Variants in PLEKHA5 observed in about 807,000 individuals in gnomAD.
The protein encoded by PLEKHA5 is pleckstrin homology domain containing A5, also known as pleckstrin homology domain-containing family A member 5.
Under a neutral mutation model 181.9 loss-of-function variants are expected in PLEKHA5, and 55 were observed. The observed-to-expected ratio is 0.30, with a 90% CI of 0.24 to 0.38. The LOEUF is 0.38. PLEKHA5 is among the 10% of genes least tolerant of loss of function. The pLI is 1.00. For synonymous variants in PLEKHA5, 535 were observed against 529.4 expected (o/e 1.01, Z -0.15); for missense variants, 1,432 against 1,549.5 (o/e 0.92, Z 1.27).
Position 19,361,646 on chromosome 12 carries a change from C to T in PLEKHA5, c.3548C>T (p.Ser1183Phe). 6.3e-7 allele frequency: 1 copy of T among 1,582,568 alleles called. No homozygotes were observed. The highest frequency in any genetic ancestry group is 1.3e-5 in the African/African-American group (1 of 74,224). Reference sequence around the variant, plus strand: ...GAACCTGAGCCAAATGGAGTAAATTCTGTGGAAATGATGGATAAAGAAAGA... The same window carrying T: ...GAACCTGAGCCAAATGGAGTAAATTTTGTGGAAATGATGGATAAAGAAAGA... The part of the protein sequence containing the change: ...LFEPEPNGVN[S>F]VEMMDKERNK... The change falls in exon 29 of 32, where the codon TCT becomes TTT. Residue 1183 changes from serine (S) to phenylalanine (F), a missense_variant. Coordinates refer to ENST00000429027, the MANE Select transcript of PLEKHA5 (RefSeq NM_001256470.2).
At chr12:19,147,973 G>A (rs1460972321) in intron 3 of PLEKHA5, among the ~76,000 whole-genome samples, 7 of 151,874 alleles carry the variant, frequency 4.6e-5, no homozygotes, top group Admixed American at 2.0e-4. Context: ...CTGGGCCCAC[G>A]CCATTCTCTT....
chr12:19,132,368 A>T, intron 2 of PLEKHA5, 25 bp from the exon 3 acceptor site: 3 of 1,159,626 alleles, frequency 2.6e-6, no homozygotes, highest in Non-Finnish European at 3.8e-6. Flanking sequence ...AAGTAATACT[A>T]ATTGTAATAT....
chr12:19,270,242 A>C, intron 10 of PLEKHA5, 37 bp downstream of exon 10: 1 of 1,198,154 alleles, frequency 8.3e-7, no homozygotes, highest in Non-Finnish European at 1.1e-6. Flanking sequence ...AAAGCTACAC[A>C]GATTTTTATC....
Position 19,345,874 on chromosome 12 carries a change from A to G in PLEKHA5, c.2695A>G (p.Lys899Glu), listed in dbSNP as rs756910032. Reference sequence around the variant, plus strand: ...AGGATCAAAGCCTTTCTCAACAGTTAAGTACAAAAATGAGGTAAGTTTGGA... The same window carrying G: ...AGGATCAAAGCCTTTCTCAACAGTTGAGTACAAAAATGAGGTAAGTTTGGA... ...MIGSKPFSTV[K>E]YKNEEEEVVP... Residue 899 changes from lysine (K) to glutamate (E), a missense_variant, in exon 23 of 32, where the codon AAG (lysine) becomes GAG (glutamate). This residue lies in a region of PLEKHA5 where 1,143 missense variants were observed against 1,168.4 expected (regional missense o/e 0.98). Transcript: ENST00000429027. 2.7e-6 allele frequency: 4 copies of G among 1,482,582 alleles called. No homozygotes were observed. The East Asian group carries it at 6.8e-5, about 25-fold the overall frequency. 91.8% of individuals were successfully genotyped at this position (1,482,582 alleles called of 1,614,324 possible). A position where few individuals can be genotyped will look rare whatever the true frequency, so the allele number is the denominator to read the frequency against.
chr12:19,332,908 G>A (rs1051857532), intron 20 of PLEKHA5, among the ~76,000 whole-genome samples: 2 of 152,076 alleles, frequency 1.3e-5, no homozygotes, highest in African/African-American at 2.4e-5. Flanking sequence ...CGTCCATCTC[G>A]GCCTCCTAAA....
At chr12:19,294,083 G>A (rs2079150165) in intron 15 of PLEKHA5, among the ~76,000 whole-genome samples, 1 of 152,140 alleles carries the variant, frequency 6.6e-6, no homozygotes, top group African/African-American at 2.4e-5. Context: ...TGGTACTTGT[G>A]TTTGAAGTAA....
At chr12:19,233,482 A>G (rs1307712917) in intron 3 of PLEKHA5, among the ~76,000 whole-genome samples, 1 of 152,138 alleles carries the variant, frequency 6.6e-6, no homozygotes, top group Non-Finnish European at 1.5e-5. Context: ...AACTACTTTA[A>G]ATATGTGTGA....
At chr12:19,333,833 A>C (rs1357512385) in intron 20 of PLEKHA5, among the ~76,000 whole-genome samples, 1 of 151,222 alleles carries the variant, frequency 6.6e-6, no homozygotes, top group Non-Finnish European at 1.5e-5. Flanking sequence ...CTGGTCTTAA[A>C]CTCCTGACCT....
chr12:19,329,203 A>T (rs1480871110), intron 20 of PLEKHA5, among the ~76,000 whole-genome samples: 2 of 152,058 alleles, frequency 1.3e-5, no homozygotes, highest in Non-Finnish European at 2.9e-5. Context: ...TATCATGGTG[A>T]ATTAACTTTT....
At position 19,274,690 on chromosome 12, in the gene PLEKHA5, A is replaced by G. The variant is rs2074032248; in HGVS notation, c.1020A>G (p.Gln340=). 1.2e-6 allele frequency: 2 copies of G among 1,614,044 alleles called. No individual in the cohort carries two copies. Among genetic ancestry groups the G allele is most frequent in the African/African-American group, 2.7e-5 (2 of 74,942 alleles). Reference sequence around the variant, plus strand: ...AATATGGATTTCAGAAGGATGGTCAAGATAGACCCTTAACAAAAATTAATA... The same window carrying G: ...AATATGGATTTCAGAAGGATGGTCAGGATAGACCCTTAACAAAAATTAATA... ...AEKYGFQKDG[Q]DRPLTKINSV... The change falls in exon 11 of 32, where the codon CAA becomes CAG. Residue 340 remains glutamine, a synonymous_variant. Coordinates refer to ENST00000429027, the MANE Select transcript of PLEKHA5 (RefSeq NM_001256470.2).
chr12:19,137,045 C>CT (rs879741090), intron 3 of PLEKHA5, among the ~76,000 whole-genome samples: 66 of 147,536 alleles, frequency 4.5e-4, no homozygotes, highest in East Asian at 1.6e-3. Context: ...TTATACTTTA[C>CT]TTTTTTTTTT....
intron 27 of PLEKHA5, 43 bp from the exon 28 acceptor site, chr12:19,359,369 A>G (rs2095110332): frequency 6.4e-7 from 1 of 1,568,298 alleles, no homozygotes; most frequent in Non-Finnish European, 8.7e-7. Context: ...ATATACATGC[A>G]TGCACAGTAT....
In PLEKHA5 at chr12:19,242,254, T is replaced by G. The variant is rs553354159; in HGVS notation, c.228-11686T>G. Among the ~76,000 whole-genome samples the G allele has an allele frequency of 1.1e-3, 165 of 151,998 alleles. 2 individuals are homozygous for G. The highest frequency in any genetic ancestry group is 3.4e-3 in the Middle Eastern group (1 of 294). On this transcript the variant is annotated intron_variant, in intron 3 of 31. Transcript: ENST00000429027. ...TTTTGTTTTTTTTTGTTTTTTTTGT[T>G]TTGAGACAGAGTCTCACTCTGTCAT...
At chr12:19,274,368 T>G in intron 10 of PLEKHA5, 148 bp from the exon 11 acceptor site, 2 of 607,906 alleles carry the variant, frequency 3.3e-6, no homozygotes, top group Non-Finnish European at 5.8e-6. Context: ...ATCACAGCAT[T>G]GGGTATTTGT....
At chr12:19,338,925 C>T (rs2093664262) in intron 21 of PLEKHA5, among the ~76,000 whole-genome samples, 1 of 151,742 alleles carries the variant, frequency 6.6e-6, no homozygotes, top group Non-Finnish European at 1.5e-5. Flanking sequence ...AAATGAGATG[C>T]TAAATACACT....
intron 3 of PLEKHA5, among the ~76,000 whole-genome samples, chr12:19,195,566 G>C (rs1449317535): frequency 1.3e-5 from 2 of 151,260 alleles, no homozygotes; most frequent in Admixed American, 6.6e-5. Context: ...GCTACTCTGA[G>C]GGCTGAGGTG....
chr12:19,257,617 A>G, intron 6 of PLEKHA5, 80 bp downstream of exon 6: 4 of 764,468 alleles, frequency 5.2e-6, no homozygotes, highest in South Asian at 4.9e-5. Context: ...AGACAATTCT[A>G]TAAAATCATA....
intron 3 of PLEKHA5, chr12:19,176,559 T>G (rs4237979): frequency 6.6e-6 from 1 of 152,042 alleles, no homozygotes; most frequent in Non-Finnish European, 1.5e-5. Flanking sequence ...CCTAAGTAGC[T>G]GGGACTATAG....
chr12:19,316,390 G>A (rs1307826769), intron 16 of PLEKHA5, among the ~76,000 whole-genome samples: 1 of 151,770 alleles, frequency 6.6e-6, no homozygotes, highest in Admixed American at 6.6e-5. Flanking sequence ...TCTAATTGGG[G>A]TTTTCCCAAA....
Sources: allele counts gnomAD v4.1 joint callset (sites outside exome capture counted in the v4.1 genomes callset), GRCh38; gene constraint gnomAD v4.1.1; regional missense constraint gnomAD v4.1.1; transcripts MANE v1.5; gene names NCBI Gene and HGNC (gene_info 2026-07-23, HGNC 2026-07-21).